The following RSRC1 variants were observed in gnomAD, a reference collection of about 807,000 sequenced individuals.
The protein encoded by RSRC1 is arginine and serine rich coiled-coil 1, also known as serine/Arginine-related protein 53.
RSRC1 carries 39 observed loss-of-function variants against 49.1 expected under a neutral mutation model. The ratio of observed to expected loss-of-function variants is 0.79; its 90% confidence interval spans 0.61 to 1.04. RSRC1 has a LOEUF of 1.04. RSRC1 is among the 50% of genes least tolerant of loss of function. The probability of loss-of-function intolerance (pLI) is 0.00; values close to 1 mark genes in which losing one functional copy is unlikely to be tolerated. For synonymous variants in RSRC1, 143 were observed against 130.8 expected (o/e 1.09, Z -0.63); for missense variants, 388 against 402.4 (o/e 0.96, Z 0.31).
At chr3:158,366,755 A>G (rs1032898136) in intron 6 of RSRC1, among the ~76,000 whole-genome samples, 15 of 152,260 alleles carry the variant, frequency 9.9e-5, no homozygotes, top group South Asian at 4.1e-4. Context: ...GGCCATGTTC[A>G]TGATATTGAT....
intron 6 of RSRC1, among the ~76,000 whole-genome samples, chr3:158,406,726 T>G (rs1202276553): frequency 6.6e-6 from 1 of 152,090 alleles, no homozygotes; most frequent in East Asian, 1.9e-4. Context: ...GAATCATCTC[T>G]TTTGCTTGTC....
chr3:158,269,510 G>A (rs1207306268), intron 4 of RSRC1, among the ~76,000 whole-genome samples: 1 of 151,822 alleles, frequency 6.6e-6, no homozygotes, highest in African/African-American at 2.4e-5. Context: ...AGTATTTTCA[G>A]AAAACAGATT....
chr3:158,399,836 C>CT (rs1733810537), intron 6 of RSRC1, among the ~76,000 whole-genome samples: 1 of 152,128 alleles, frequency 6.6e-6, no homozygotes, highest in Non-Finnish European at 1.5e-5. Context: ...AAGGTAGACA[C>CT]TTTCAGATTT....
chr3:158,326,219 A>G (rs2108181200), intron 5 of RSRC1, among the ~76,000 whole-genome samples: 1 of 152,258 alleles, frequency 6.6e-6, no homozygotes, highest in Middle Eastern at 3.4e-3. Flanking sequence ...AATACCCTTT[A>G]TTCCTTTCTC....
At chr3:158,441,711 CTT>C (rs1246370552) in intron 6 of RSRC1, among the ~76,000 whole-genome samples, 1 of 152,114 alleles carries the variant, frequency 6.6e-6, no homozygotes, top group Non-Finnish European at 1.5e-5. Context: ...AGAATTATAA[CTT>C]GTGTGCATCT....
intron 7 of RSRC1, among the ~76,000 whole-genome samples, chr3:158,530,833 G>A (rs12637678): frequency 0.52 from 76,957 of 148,214 alleles, 20,354 homozygotes; most frequent in African/African-American, 0.63. Context: ...AGCATGGCAC[G>A]TGTATACATA....
intron 4 of RSRC1, among the ~76,000 whole-genome samples, chr3:158,211,062 G>A (rs182584993): frequency 5.3e-5 from 8 of 152,128 alleles, no homozygotes; most frequent in Admixed American, 3.9e-4. Flanking sequence ...TTAGAGGATG[G>A]GAGTAGCCTC....
intron 4 of RSRC1, among the ~76,000 whole-genome samples, chr3:158,231,763 A>G (rs954060548): frequency 1.3e-5 from 2 of 152,100 alleles, no homozygotes; most frequent in Non-Finnish European, 2.9e-5. Context: ...TTTTTAGAAA[A>G]TTGGGCTGGA....
At chr3:158,160,482 A>G (rs1339558476) in intron 3 of RSRC1, among the ~76,000 whole-genome samples, 2 of 152,178 alleles carry the variant, frequency 1.3e-5, no homozygotes, top group African/African-American at 4.8e-5. Context: ...AGATAGGGGA[A>G]TTGTGCCTAT....
chr3:158,316,723 C>A (rs1182232497), intron 5 of RSRC1, among the ~76,000 whole-genome samples: 1 of 152,050 alleles, frequency 6.6e-6, no homozygotes, highest in Admixed American at 6.6e-5. Flanking sequence ...GGATTACAGG[C>A]GTGAGCCAAC....
intron 6 of RSRC1, among the ~76,000 whole-genome samples, chr3:158,438,953 A>C (rs1448799435): frequency 1.3e-5 from 2 of 152,084 alleles, no homozygotes; most frequent in African/African-American, 2.4e-5. Flanking sequence ...TCTACAATGA[A>C]CTCCAACAAA....
intron 7 of RSRC1, among the ~76,000 whole-genome samples, chr3:158,534,734 A>G (rs1163208533): frequency 2.6e-5 from 4 of 151,602 alleles, no homozygotes; most frequent in East Asian, 1.9e-4. Context: ...GGAAAAACCT[A>G]TCATCAAACT....
At chr3:158,465,592 C>T (rs1039711741) in intron 7 of RSRC1, among the ~76,000 whole-genome samples, 3 of 152,200 alleles carry the variant, frequency 2.0e-5, no homozygotes, top group African/African-American at 2.4e-5. Context: ...GCAGAAGTAA[C>T]GTGATTGTCC....
At chr3:158,229,202 GTA>G (rs1372611665) in intron 4 of RSRC1, among the ~76,000 whole-genome samples, 6 of 98,070 alleles carry the variant, frequency 6.1e-5, no homozygotes, top group African/African-American at 2.0e-4. Flanking sequence ...ACATATATGT[GTA>G]TATATGTATA....
chr3:158,130,556 T>C (rs116785169), intron 3 of RSRC1, among the ~76,000 whole-genome samples: 172 of 152,302 alleles, frequency 1.1e-3, no homozygotes, highest in African/African-American at 4.0e-3. Context: ...CACCCAAGTC[T>C]AAACACAAAA....
chr3:158,397,596 T>C (rs1022782375), intron 6 of RSRC1, among the ~76,000 whole-genome samples: 29 of 152,234 alleles, frequency 1.9e-4, no homozygotes, highest in African/African-American at 6.3e-4. Flanking sequence ...TATCACAGCA[T>C]TGTCTGTTAG....
At chr3:158,407,284 T>C (rs1005307739) in intron 6 of RSRC1, among the ~76,000 whole-genome samples, 2 of 152,186 alleles carry the variant, frequency 1.3e-5, no homozygotes, top group African/African-American at 4.8e-5. Flanking sequence ...AAATGACTAA[T>C]CTGAGGAATG....
At chr3:158,251,135 G>T (rs888338353) in intron 4 of RSRC1, among the ~76,000 whole-genome samples, 1 of 152,124 alleles carries the variant, frequency 6.6e-6, no homozygotes, top group African/African-American at 2.4e-5. Context: ...CGCTGTAGGT[G>T]TGTGGATTTG....
intron 5 of RSRC1, among the ~76,000 whole-genome samples, chr3:158,302,159 G>A (rs1040853954): frequency 3.3e-5 from 5 of 151,608 alleles, no homozygotes; most frequent in African/African-American, 1.2e-4. Flanking sequence ...CTGCTTGCAT[G>A]CCTTCCACAG....
Sources: allele counts gnomAD v4.1 joint callset (sites outside exome capture counted in the v4.1 genomes callset), GRCh38; gene constraint gnomAD v4.1.1; transcripts MANE v1.5; gene names NCBI Gene and HGNC (gene_info 2026-07-23, HGNC 2026-07-21).